Variants in KIN observed in about 807,000 individuals in gnomAD.
KIN encodes DNA/RNA-binding protein KIN17.
KIN carries 47 observed loss-of-function variants against 63.0 expected under a neutral mutation model. The observed-to-expected ratio is 0.75, with a 90% CI of 0.59 to 0.95. The LOEUF (loss-of-function observed/expected upper bound fraction) is 0.95, where lower values mean the gene tolerates loss of function less well. KIN is among the 40% of genes least tolerant of loss of function. The pLI, the probability that KIN is intolerant of heterozygous loss-of-function variation, is 0.00. For synonymous variants in KIN, 160 were observed against 157.7 expected, an observed-to-expected ratio of 1.01 and a Z score of -0.11; for missense variants, 408 against 460.9, an observed-to-expected ratio of 0.89 and a Z score of 1.05.
Position 7,778,863 on chromosome 10 carries a change from C to T in KIN, c.533G>A (p.Arg178Lys). 1.7e-5 allele frequency: 28 copies of T among 1,614,076 alleles called. No homozygotes were observed. Among genetic ancestry groups the T allele is most frequent in the Non-Finnish European group, 2.4e-5 (28 of 1,180,008 alleles). The change falls in exon 5 of 13, where the codon AGA becomes AAA. Residue 178 changes from arginine (R) to lysine (K), a missense_variant. This residue lies in a region of KIN where 298 missense variants were observed against 296.0 expected (regional missense o/e 1.01). Transcript: ENST00000379562. ...KTAKFIEEQVRRGLEGKEQEV... is the reference protein window; with the variant it reads ...KTAKFIEEQVKRGLEGKEQEV... ...CTGTTCCTTCCCTTCCAGGCCTCTT[C>T]TCACTTGCTCTTCAATAAATTTGGC...
intron 2 of KIN, among the ~76,000 whole-genome samples, chr10:7,781,208 C>A (rs1038694097): frequency 6.6e-6 from 1 of 152,068 alleles, no homozygotes; most frequent in Non-Finnish European, 1.5e-5. Context: ...ATAAGTAGAA[C>A]CCTAGAGGTG....
At chr10:7,764,166 T>C (rs1375026981) in intron 9 of KIN, among the ~76,000 whole-genome samples, 1 of 152,206 alleles carries the variant, frequency 6.6e-6, no homozygotes, top group African/African-American at 2.4e-5. Flanking sequence ...GCTGAGTTGT[T>C]CACTGCTGAT....
intron 4 of KIN, 111 bp from the exon 5 acceptor site, chr10:7,779,130 G>T (rs1182819936): frequency 2.4e-6 from 3 of 1,250,286 alleles, no homozygotes; most frequent in Non-Finnish European, 3.3e-6. Flanking sequence ...AAATCAGGCC[G>T]AGCGCAGTGG....
chr10:7,767,921 C>T lies in KIN; in HGVS notation c.798+1295G>A, dbSNP rs374057892. On this transcript the variant is annotated intron_variant, in intron 8 of 12. Coordinates refer to ENST00000379562, the MANE Select transcript of KIN (RefSeq NM_012311.4). ...ATTTTCTATCCCTTCACAATGAAGA[C>T]GAAAATAAATGAGGAGACAGAGGAA... 1.4e-4 allele frequency among the ~76,000 whole-genome samples: 21 copies of T among 148,294 alleles called. No individual in the cohort carries two copies. In the East Asian group the frequency reaches 2.4e-3, roughly 17 times the overall value.
intron 8 of KIN, chr10:7,766,422 G>A (rs1835544553): frequency 3.9e-6 from 1 of 258,302 alleles, no homozygotes; most frequent in Non-Finnish European, 7.3e-6. Flanking sequence ...TGACTGTCAG[G>A]AGCTGGAAAA....
intron 2 of KIN, among the ~76,000 whole-genome samples, chr10:7,782,155 A>G (rs1199766068): frequency 6.6e-6 from 1 of 152,186 alleles, no homozygotes; most frequent in African/African-American, 2.4e-5. Flanking sequence ...CATAAACAGA[A>G]GTTCTTGGGG....
At position 7,752,159 on chromosome 10, in the gene KIN, T is replaced by C. The variant is rs1222531368; in HGVS notation, c.*3921A>G. The C allele has an allele frequency of 6.7e-6, 1 of 149,340 alleles. No homozygotes were observed. Among genetic ancestry groups the C allele is most frequent in the Non-Finnish European group, 1.5e-5 (1 of 67,174 alleles). The allele number at this position is 149,340 out of a possible 1,614,324, so 9.3% of individuals were successfully genotyped here. A position where few individuals can be genotyped will look rare whatever the true frequency, so the allele number is the denominator to read the frequency against. On this transcript the variant is annotated 3_prime_UTR_variant, in exon 13 of 13. Coordinates refer to ENST00000379562, the MANE Select transcript of KIN (RefSeq NM_012311.4). ...AGACAGGCCACTGACTGAGAGAAAA[T>C]ACTTGCAAAAGACACATTCGATAAA...
chr10:7,766,307 A>G (rs1835542601), intron 8 of KIN: 2 of 465,712 alleles, frequency 4.3e-6, no homozygotes, highest in Admixed American at 4.2e-5. Flanking sequence ...TCAGTTTTTA[A>G]AAGTATATAA....
intron 9 of KIN, 117 bp from the exon 10 acceptor site, chr10:7,763,908 A>C (rs1178642700): frequency 1.8e-6 from 1 of 561,898 alleles, no homozygotes; most frequent in African/African-American, 2.0e-5. Context: ...TGCCCTGCCA[A>C]ATAAGAAATG....
At chr10:7,767,624 G>A (rs1277515911) in intron 8 of KIN, among the ~76,000 whole-genome samples, 3 of 152,140 alleles carry the variant, frequency 2.0e-5, no homozygotes, top group Non-Finnish European at 4.4e-5. Context: ...TTGGGAGGCC[G>A]AAGCGGGTGG....
chr10:7,781,035 A>G (rs1835885217), intron 2 of KIN, among the ~76,000 whole-genome samples: 1 of 152,240 alleles, frequency 6.6e-6, no homozygotes, highest in African/African-American at 2.4e-5. Flanking sequence ...ATTAAGTGCT[A>G]GATAAACGTG....
At chr10:7,779,091 T>G in intron 4 of KIN, 72 bp from the exon 5 acceptor site, 2 of 1,515,056 alleles carry the variant, frequency 1.3e-6, no homozygotes, top group Non-Finnish European at 1.8e-6. Flanking sequence ...GTGTTTCACC[T>G]CTGCATATTT....
chr10:7,780,791 A>G (rs1266336363), intron 2 of KIN, among the ~76,000 whole-genome samples: 1 of 152,246 alleles, frequency 6.6e-6, no homozygotes, highest in Admixed American at 6.5e-5. Context: ...AAAGAACTCC[A>G]AAATATTATA....
intron 9 of KIN, among the ~76,000 whole-genome samples, chr10:7,765,526 T>A (rs1027066830): frequency 1.3e-5 from 2 of 152,238 alleles, no homozygotes; most frequent in African/African-American, 4.8e-5. Context: ...ATAATCATTT[T>A]AAAATATTGT....
chr10:7,775,031 G>A, intron 6 of KIN, 140 bp from the exon 7 acceptor site: 1 of 637,246 alleles, frequency 1.6e-6, no homozygotes, highest in Non-Finnish European at 2.7e-6. Context: ...CCTATACGGA[G>A]ACCACACATT....
intron 5 of KIN, among the ~76,000 whole-genome samples, chr10:7,776,393 T>G (rs1253280352): frequency 6.8e-6 from 1 of 147,962 alleles, no homozygotes; most frequent in Admixed American, 6.8e-5. Context: ...ATACAAAAAT[T>G]TAGCCGGGTG....
At chr10:7,769,700 C>CTA (rs200500569) in intron 7 of KIN, among the ~76,000 whole-genome samples, 2,156 of 152,206 alleles carry the variant, frequency 0.014, 52 homozygotes, top group African/African-American at 0.049. Context: ...GGGTTTGAGG[C>CTA]TACTTCTATT....
intron 5 of KIN, 74 bp from the exon 6 acceptor site, chr10:7,775,873 A>T: frequency 7.4e-6 from 6 of 814,180 alleles, no homozygotes; most frequent in African/African-American, 1.8e-5. Context: ...CTAAATTATG[A>T]CTTGCTACCT....
intron 7 of KIN, among the ~76,000 whole-genome samples, chr10:7,773,317 A>G (rs973908687): frequency 6.6e-6 from 1 of 152,238 alleles, no homozygotes; most frequent in Admixed American, 6.5e-5. Flanking sequence ...TACAGCGACC[A>G]TAGAAAACTA....
Sources: gnomAD v4.1 joint callset for allele counts (sites outside exome capture counted in the v4.1 genomes callset) on GRCh38, gnomAD v4.1.1 for gene constraint, gnomAD v4.1.1 regional missense constraint, MANE v1.5 for transcripts, NCBI Gene and HGNC (gene_info 2026-07-23, HGNC 2026-07-21) for gene names.